The following ZBTB21 variants were observed in gnomAD, a reference collection of about 807,000 sequenced individuals.
The protein encoded by ZBTB21 is zinc finger and BTB domain containing 21.
Under a neutral mutation model 39.8 loss-of-function variants are expected in ZBTB21, and 10 were observed. The observed-to-expected ratio is 0.25, with a 90% CI of 0.16 to 0.43. The LOEUF (loss-of-function observed/expected upper bound fraction) is 0.43, where lower values mean the gene tolerates loss of function less well. ZBTB21 is among the 20% of genes least tolerant of loss of function. The pLI is 1.00. For missense variants in ZBTB21, 1,221 were observed against 1,296.3 expected, an observed-to-expected ratio of 0.94 and a Z score of 0.89; for synonymous variants, 551 against 498.8, an observed-to-expected ratio of 1.10 and a Z score of -1.40.
At chr21:41,997,314 G>A (rs963159474) in intron 2 of ZBTB21, among the ~76,000 whole-genome samples, 1 of 152,092 alleles carries the variant, frequency 6.6e-6, no homozygotes, top group Non-Finnish European at 1.5e-5. Flanking sequence ...GGTGGCTCAC[G>A]CTTGTAATCC....
chr21:42,007,226 A>ATCT (rs1272718827), intron 1 of ZBTB21, among the ~76,000 whole-genome samples: 3 of 152,234 alleles, frequency 2.0e-5, no homozygotes, highest in Non-Finnish European at 4.4e-5. Context: ...TTCCACAACA[A>ATCT]TAAAGATTTG....
Position 41,992,740 on chromosome 21 carries a change from T to G in ZBTB21, c.1356A>C (p.Ala452=). The change falls in exon 3 of 3, where the codon GCA becomes GCC. Residue 452 remains alanine (A), a synonymous_variant. Coordinates refer to ENST00000310826, the MANE Select transcript of ZBTB21 (RefSeq NM_001098402.2). This position sits in a 1 kb window ranked among gnomAD's most constrained non-coding sequence, Gnocchi z 4.1. The part of the protein sequence containing the change: ...DIIRVTVGDA[A]TTAAASSSSV... ...ACGAAGATGAGGCAGCTGCTGTTGT[T>G]GCCGCATCTCCCACAGTGACGCGGA... 6.2e-7 allele frequency: 1 copy of G among 1,614,182 alleles called. No individual in the cohort carries two copies. The highest frequency in any genetic ancestry group is 8.5e-7 in the Non-Finnish European group (1 of 1,180,022).
At chr21:41,999,623 G>A (rs1005244127) in intron 2 of ZBTB21, among the ~76,000 whole-genome samples, 3 of 152,180 alleles carry the variant, frequency 2.0e-5, no homozygotes, top group African/African-American at 2.4e-5. Context: ...TAACTGTACA[G>A]GAACCTACAC....
chr21:42,001,533 C>T (rs946957728), intron 2 of ZBTB21, among the ~76,000 whole-genome samples: 3 of 152,162 alleles, frequency 2.0e-5, no homozygotes, highest in Admixed American at 6.5e-5. Flanking sequence ...GAGGTAGAGA[C>T]GCAGTATAGA....
At chr21:42,003,026 G>A (rs913263838) in intron 1 of ZBTB21, 65 bp from the exon 2 acceptor site, 3 of 152,210 alleles carry the variant, frequency 2.0e-5, no homozygotes, top group African/African-American at 7.2e-5. Context: ...CAGTTCCATG[G>A]AAAAGCCTTT....
chr21:42,000,282 T>C (rs1300588013), intron 2 of ZBTB21, among the ~76,000 whole-genome samples: 1 of 152,220 alleles, frequency 6.6e-6, no homozygotes, highest in Non-Finnish European at 1.5e-5. Flanking sequence ...TGTTCATCAA[T>C]GTACCCTTTA....
rs562706130 is a variant in ZBTB21, at chr21:41,989,935, A to G, written c.*960T>C. The G allele has an allele frequency of 2.0e-5, 3 of 152,222 alleles. No homozygotes were observed. Among genetic ancestry groups the G allele is most frequent in the Non-Finnish European group, 2.9e-5 (2 of 68,026 alleles). 9.4% of individuals were successfully genotyped at this position (152,222 alleles called of 1,614,324 possible). Reference sequence around the variant, plus strand: ...TTGAGTGTCTGGGATCTATGTAAATATATGTCCCGACCTTATTTGTTACAC... The same window carrying G: ...TTGAGTGTCTGGGATCTATGTAAATGTATGTCCCGACCTTATTTGTTACAC... On this transcript the variant is annotated 3_prime_UTR_variant, in exon 3 of 3. Transcript: ENST00000310826.
At chr21:41,999,122 A>C (rs1201517924) in intron 2 of ZBTB21, among the ~76,000 whole-genome samples, 2 of 152,212 alleles carry the variant, frequency 1.3e-5, no homozygotes, top group African/African-American at 4.8e-5. Flanking sequence ...GTATTGACTC[A>C]GCTGGGTACT....
intron 1 of ZBTB21, among the ~76,000 whole-genome samples, chr21:42,006,731 T>C (rs913713776): frequency 6.6e-6 from 1 of 152,230 alleles, no homozygotes; most frequent in African/African-American, 2.4e-5. Context: ...ACCTGGAGAA[T>C]GTAGTCATAC....
At chr21:42,000,236 AAT>A (rs2065801617) in intron 2 of ZBTB21, among the ~76,000 whole-genome samples, 1 of 152,172 alleles carries the variant, frequency 6.6e-6, no homozygotes, top group South Asian at 2.1e-4. Context: ...TTTTTTAAAG[AAT>A]TCAGTTTTGA....
chr21:42,003,128 T>G (rs1370174225), intron 1 of ZBTB21, among the ~76,000 whole-genome samples, 167 bp from the exon 2 acceptor site: 1 of 152,272 alleles, frequency 6.6e-6, no homozygotes, highest in East Asian at 1.9e-4. Flanking sequence ...CTAGTTTCCT[T>G]ACCTGTTAAA....
chr21:41,997,078 G>A (rs2065756108), intron 2 of ZBTB21, among the ~76,000 whole-genome samples: 1 of 152,064 alleles, frequency 6.6e-6, no homozygotes, highest in South Asian at 2.1e-4. Flanking sequence ...AATTACACCT[G>A]GGTAATTTTT....
chr21:41,994,234 A>G lies in ZBTB21; in HGVS notation c.-13-126T>C, dbSNP rs550494564. The stretch of plus-strand genomic sequence containing the variant: ...ATTTAGCAGACCGTAGGCTAACAGA[A>G]GCTCTATGAATGAACAATCTTATTT... On this transcript the variant is annotated intron_variant, in intron 2 of 2. Coordinates refer to ENST00000310826, the MANE Select transcript of ZBTB21 (RefSeq NM_001098402.2). 5.0e-5 allele frequency: 36 copies of G among 712,938 alleles called. No homozygotes were observed. The South Asian group carries it at 8.1e-4, about 16-fold the overall frequency. The allele number at this position is 712,938 out of a possible 1,614,324, so 44.2% of individuals were successfully genotyped here.
intron 2 of ZBTB21, among the ~76,000 whole-genome samples, chr21:41,998,827 G>A (rs147822885): frequency 0.011 from 1,688 of 152,266 alleles, 23 homozygotes; most frequent in Non-Finnish European, 0.017. Context: ...TAGAGATGAT[G>A]CCTTTAGCCT....
At chr21:41,995,490 G>A (rs1316901321) in intron 2 of ZBTB21, among the ~76,000 whole-genome samples, 4 of 152,182 alleles carry the variant, frequency 2.6e-5, no homozygotes, top group Non-Finnish European at 4.4e-5. Flanking sequence ...GGAATTTCTA[G>A]GCAGCAAAGC....
At chr21:41,999,934 T>C (rs1182637329) in intron 2 of ZBTB21, among the ~76,000 whole-genome samples, 2 of 152,214 alleles carry the variant, frequency 1.3e-5, no homozygotes, top group Non-Finnish European at 2.9e-5. Context: ...GACAAAGACC[T>C]GAATTACATT....
intron 2 of ZBTB21, among the ~76,000 whole-genome samples, chr21:41,997,589 A>C (rs1255852956): frequency 2.7e-4 from 35 of 131,628 alleles, no homozygotes; most frequent in African/African-American, 2.3e-4. Context: ...AAAAAAAAAA[A>C]CAAAAAAACA....
In ZBTB21 at chr21:42,005,637, T is replaced by C. The variant is rs143976692; in HGVS notation, c.-78-2676A>G. Among the ~76,000 whole-genome samples, 65 of 152,378 alleles carry C rather than the reference T, an allele frequency of 4.3e-4. 2 individuals are homozygous for C. In the East Asian group the frequency reaches 0.01, roughly 24 times the overall value. ...ACGTGGTATTCACTGTTCCTTGTCATGCCTTCCAAACCCATCCTAATACAG... is the reference window on the plus strand; with the variant it reads ...ACGTGGTATTCACTGTTCCTTGTCACGCCTTCCAAACCCATCCTAATACAG... On this transcript the variant is annotated intron_variant, in intron 1 of 2. Transcript: ENST00000310826.
At chr21:42,009,482 G>C (rs2065929251) in intron 1 of ZBTB21, 1 of 152,620 alleles carries the variant, frequency 6.6e-6, no homozygotes. Context: ...ACGGGGGGAA[G>C]GGGGCTCCTC....
Sources: gnomAD v4.1 joint callset for allele counts (sites outside exome capture counted in the v4.1 genomes callset) on GRCh38, gnomAD v4.1.1 for gene constraint, Gnocchi (gnomAD v3.1) non-coding constraint, MANE v1.5 for transcripts, NCBI Gene and HGNC (gene_info 2026-07-23, HGNC 2026-07-21) for gene names.